The following CDH12 variants were observed in gnomAD, a reference collection of about 807,000 sequenced individuals.
The protein encoded by CDH12 is cadherin-12.
Under a neutral mutation model 74.1 loss-of-function variants are expected in CDH12, and 41 were observed. That is an observed-to-expected ratio of 0.55 (90% CI 0.43 to 0.72). CDH12 has a LOEUF of 0.72. Ranked by LOEUF, CDH12 falls within the 30% of genes least tolerant of loss-of-function variation. The probability of loss-of-function intolerance (pLI) is 0.00; values close to 1 mark genes in which losing one functional copy is unlikely to be tolerated. For synonymous variants in CDH12, 399 were observed against 355.0 expected (o/e 1.12, Z -1.39); for missense variants, 945 against 977.2 (o/e 0.97, Z 0.44).
rs76205621 is a variant in CDH12 at position 22,386,309 on chromosome 5, G to A, written c.-333+18948C>T. 0.016 allele frequency among the ~76,000 whole-genome samples: 2,394 copies of A among 152,238 alleles called. 109 individuals are homozygous for A. The East Asian group carries it at 0.19, about 12-fold the overall frequency. ...ACTAGGCCTCTCCTCTAACAGTGGG[G>A]ATTACAATTCGACATGAGATTTGGT... On this transcript the variant is annotated intron_variant, in intron 3 of 14. Transcript: ENST00000382254.
At chr5:22,664,931 TAATA>T (rs1740535394) in intron 1 of CDH12, among the ~76,000 whole-genome samples, 1 of 152,186 alleles carries the variant, frequency 6.6e-6, no homozygotes, top group Non-Finnish European at 1.5e-5. Flanking sequence ...ATAATTCAAA[TAATA>T]GTTTTAGGTT....
At chr5:22,745,297 A>G (rs1182801978) in intron 1 of CDH12, among the ~76,000 whole-genome samples, 1 of 152,108 alleles carries the variant, frequency 6.6e-6, no homozygotes, top group Non-Finnish European at 1.5e-5. Context: ...ATTAAATTGC[A>G]TTAAAGATCA....
At chr5:22,818,333 T>A (rs1229317669) in intron 1 of CDH12, among the ~76,000 whole-genome samples, 1 of 152,054 alleles carries the variant, frequency 6.6e-6, no homozygotes, top group Non-Finnish European at 1.5e-5. Flanking sequence ...TACCAAATGG[T>A]TTCATTTGTT....
chr5:21,995,050 G>T (rs866192005), intron 5 of CDH12, among the ~76,000 whole-genome samples: 1 of 152,018 alleles, frequency 6.6e-6, no homozygotes, highest in Non-Finnish European at 1.5e-5. Context: ...AGGGTCTGCC[G>T]CTTCACACCT....
chr5:22,405,739 A>G (rs957802571), intron 2 of CDH12, among the ~76,000 whole-genome samples: 5 of 152,232 alleles, frequency 3.3e-5, no homozygotes, highest in African/African-American at 1.2e-4. Flanking sequence ...ATACAAGAGC[A>G]AAGCCAGCAC....
intron 1 of CDH12, among the ~76,000 whole-genome samples, chr5:22,777,461 T>A (rs904110830): frequency 6.6e-6 from 1 of 152,118 alleles, no homozygotes; most frequent in East Asian, 1.9e-4. Flanking sequence ...TTGGGATGAG[T>A]AAGAATAATA....
chr5:22,043,344 C>T (rs1247813045), intron 5 of CDH12, among the ~76,000 whole-genome samples: 1 of 151,958 alleles, frequency 6.6e-6, no homozygotes, highest in Non-Finnish European at 1.5e-5. Context: ...ATGACAAAAA[C>T]CATATGATCA....
chr5:22,185,250 G>A (rs1015121522), intron 4 of CDH12, among the ~76,000 whole-genome samples: 3 of 146,938 alleles, frequency 2.0e-5, no homozygotes, highest in South Asian at 2.1e-4. Context: ...TCAGGCTGGC[G>A]TGCAGTGGTG....
At chr5:22,222,356 A>G (rs1752046658) in intron 3 of CDH12, among the ~76,000 whole-genome samples, 1 of 151,872 alleles carries the variant, frequency 6.6e-6, no homozygotes, top group South Asian at 2.1e-4. Context: ...TCTTTATCTC[A>G]TGGAATTATT....
At chr5:22,538,935 G>T (rs944949936) in intron 1 of CDH12, among the ~76,000 whole-genome samples, 1 of 152,068 alleles carries the variant, frequency 6.6e-6, no homozygotes, top group Non-Finnish European at 1.5e-5. Context: ...TGATTTTGTT[G>T]CCCAGGCTGT....
chr5:22,665,049 GACTCAAGTAAT>G (rs1361463557), intron 1 of CDH12, among the ~76,000 whole-genome samples: 12 of 152,216 alleles, frequency 7.9e-5, no homozygotes, highest in African/African-American at 2.9e-4. Flanking sequence ...CAAACTCCTG[GACTCAAGTAAT>G]CCTCCCTCCT....
intron 1 of CDH12, among the ~76,000 whole-genome samples, chr5:22,654,619 G>T (rs1739929423): frequency 7.4e-6 from 1 of 135,488 alleles, no homozygotes; most frequent in South Asian, 2.5e-4. Flanking sequence ...TTTTTTGTTT[G>T]TTTGCTTGTT....
chr5:22,627,919 AAAAAAAGT>A (rs1421208736), intron 1 of CDH12, among the ~76,000 whole-genome samples: 1 of 152,144 alleles, frequency 6.6e-6, no homozygotes, highest in Non-Finnish European at 1.5e-5. Context: ...GAAAACAGAA[AAAAAAAGT>A]AAGGATTAAT....
intron 2 of CDH12, among the ~76,000 whole-genome samples, chr5:22,442,772 T>A (rs575262141): frequency 2.1e-4 from 32 of 152,302 alleles, no homozygotes; most frequent in African/African-American, 7.5e-4. Context: ...ATCCTATGAC[T>A]GACTAAAAAT....
At chr5:21,981,273 C>CTTTT (rs10646568) in intron 5 of CDH12, among the ~76,000 whole-genome samples, 45,505 of 151,608 alleles carry the variant, frequency 0.3, 11,065 homozygotes, top group African/African-American at 0.68. Context: ...AGAATGTATC[C>CTTTT]TTTTCTTCTT....
At chr5:22,287,462 C>T (rs1325706496) in intron 3 of CDH12, among the ~76,000 whole-genome samples, 8 of 152,112 alleles carry the variant, frequency 5.3e-5, no homozygotes, top group South Asian at 2.1e-4. Flanking sequence ...CGGTGGCTCA[C>T]GCCTGTAATC....
intron 5 of CDH12, among the ~76,000 whole-genome samples, chr5:22,032,150 T>C (rs1208499258): frequency 1.3e-5 from 2 of 151,248 alleles, no homozygotes; most frequent in Non-Finnish European, 2.9e-5. Flanking sequence ...AACATATATA[T>C]GACATGCCTG....
intron 1 of CDH12, among the ~76,000 whole-genome samples, chr5:22,704,269 A>G (rs917726149): frequency 6.6e-6 from 1 of 152,146 alleles, no homozygotes; most frequent in African/African-American, 2.4e-5. Flanking sequence ...GGATGCTAAG[A>G]TGTGTAGAGC....
intron 3 of CDH12, among the ~76,000 whole-genome samples, chr5:22,261,388 A>G (rs1753505908): frequency 6.6e-6 from 1 of 151,888 alleles, no homozygotes; most frequent in Non-Finnish European, 1.5e-5. Flanking sequence ...TTTACTTTCA[A>G]GATGTACTAG....
Sources: gnomAD v4.1 joint callset for allele counts (sites outside exome capture counted in the v4.1 genomes callset) on GRCh38, gnomAD v4.1.1 for gene constraint, MANE v1.5 for transcripts, NCBI Gene and HGNC (gene_info 2026-07-23, HGNC 2026-07-21) for gene names.